The following RAB43 variants were observed in gnomAD, a reference collection of about 807,000 sequenced individuals.
RAB43 encodes RAB43, member RAS oncogene family.
RAB43 carries 6 observed loss-of-function variants against 18.8 expected under a neutral mutation model. The ratio of observed to expected loss-of-function variants is 0.32; its 90% CI spans 0.17 to 0.63. The LOEUF (loss-of-function observed/expected upper bound fraction) is 0.63, where lower values mean the gene tolerates loss of function less well. Among genes scored for constraint, RAB43 ranks in the 30% least tolerant of loss-of-function variants. The pLI is 0.79. For synonymous variants in RAB43, 103 were observed against 124.1 expected (o/e 0.83, Z 1.13); for missense variants, 195 against 289.1 (o/e 0.67, Z 2.36).
At position 129,119,019 on chromosome 3, in the gene RAB43, T is replaced by G. The variant is rs1051320342; in HGVS notation, c.204+2267A>C. Among the ~76,000 whole-genome samples, 7 of 152,214 alleles carry G rather than the reference T, an allele frequency of 4.6e-5. No individual in the cohort carries two copies. The East Asian group carries it at 1.4e-3, about 29-fold the overall frequency. Reference sequence around the variant, plus strand: ...CAGAAGAACAAAAGAACTTTCTGGGTTGGTGGAAAAATTCTCCATCTTGAT... The same window carrying G: ...CAGAAGAACAAAAGAACTTTCTGGGGTGGTGGAAAAATTCTCCATCTTGAT... On this transcript the variant is annotated intron_variant, in intron 1 of 2. Coordinates refer to ENST00000315150, the MANE Select transcript of RAB43 (RefSeq NM_198490.3).
At chr3:129,093,922 G>A (rs1933844553) in intron 2 of RAB43, among the ~76,000 whole-genome samples, 1 of 152,214 alleles carries the variant, frequency 6.6e-6, no homozygotes, top group African/African-American at 2.4e-5. Context: ...CTGGGTGACT[G>A]AGTAAGACTC....
intron 1 of RAB43, among the ~76,000 whole-genome samples, chr3:129,098,651 A>G (rs1934208645): frequency 6.6e-6 from 1 of 152,270 alleles, no homozygotes; most frequent in Non-Finnish European, 1.5e-5. Flanking sequence ...TCAGAAAATT[A>G]CAAGGAAAGT....
chr3:129,116,837 C>A (rs139938610), intron 1 of RAB43, among the ~76,000 whole-genome samples: 1 of 151,982 alleles, frequency 6.6e-6, no homozygotes, highest in African/African-American at 2.4e-5. Context: ...TCTGCAAAAA[C>A]GAGTTTACAT....
chr3:129,104,819 T>C (rs544002177), intron 1 of RAB43, among the ~76,000 whole-genome samples: 11 of 152,334 alleles, frequency 7.2e-5, no homozygotes, highest in African/African-American at 2.6e-4. Context: ...CCGTTATCTT[T>C]TCTGGGATAA....
At chr3:129,102,933 T>C (rs1279266363) in intron 1 of RAB43, among the ~76,000 whole-genome samples, 5 of 152,148 alleles carry the variant, frequency 3.3e-5, no homozygotes, top group Non-Finnish European at 7.3e-5. Flanking sequence ...CCAGAAACCA[T>C]CTTACCATCT....
chr3:129,110,112 G>A (rs868482746), intron 1 of RAB43, among the ~76,000 whole-genome samples: 1 of 152,022 alleles, frequency 6.6e-6, no homozygotes, highest in African/African-American at 2.4e-5. Flanking sequence ...CAATCCGCCC[G>A]CTTCTGCCTC....
At chr3:129,110,153 CTTCT>C (rs1935064776) in intron 1 of RAB43, among the ~76,000 whole-genome samples, 2 of 151,998 alleles carry the variant, frequency 1.3e-5, no homozygotes. Context: ...TGGTTCTTGT[CTTCT>C]TTAGGTGAAA....
chr3:129,115,794 C>G (rs1935486633), intron 1 of RAB43, among the ~76,000 whole-genome samples: 1 of 152,180 alleles, frequency 6.6e-6, no homozygotes, highest in African/African-American at 2.4e-5. Context: ...CCACTCCCTC[C>G]TGGACGACAG....
intron 1 of RAB43, among the ~76,000 whole-genome samples, chr3:129,113,976 G>A (rs980976839): frequency 2.0e-5 from 3 of 152,180 alleles, no homozygotes; most frequent in African/African-American, 7.2e-5. Context: ...GCAGTGAGCC[G>A]GGATCACGCC....
chr3:129,106,158 A>G (rs891776998), intron 1 of RAB43, among the ~76,000 whole-genome samples: 17 of 152,174 alleles, frequency 1.1e-4, no homozygotes, highest in South Asian at 2.1e-4. Context: ...CGGCTCTGGG[A>G]CCTGTGTCCA....
rs370446595 is a variant in RAB43, at chr3:129,096,040, A to G, written c.205-871T>C. On this transcript the variant is annotated intron_variant, in intron 1 of 2. Transcript: ENST00000315150. ...GGATCGGGTGTGCCTTCTCTGCCCCACCAATCACAGGTTCTCATGGCTCTC... is the reference window on the plus strand; with the variant it reads ...GGATCGGGTGTGCCTTCTCTGCCCCGCCAATCACAGGTTCTCATGGCTCTC... 3.3e-5 allele frequency among the ~76,000 whole-genome samples: 5 copies of G among 152,150 alleles called. No homozygotes were observed. In the East Asian group the frequency reaches 5.8e-4, roughly 18 times the overall value.
At chr3:129,116,137 A>G (rs1036025474) in intron 1 of RAB43, among the ~76,000 whole-genome samples, 2 of 152,232 alleles carry the variant, frequency 1.3e-5, no homozygotes, top group Non-Finnish European at 2.9e-5. Flanking sequence ...ATGGGCATGT[A>G]TGTATAAGAC....
Position 129,094,967 on chromosome 3 carries a change from C to A in RAB43, c.388+19G>T. On this transcript the variant is annotated intron_variant, in intron 2 of 2. Coordinates refer to ENST00000315150, the MANE Select transcript of RAB43 (RefSeq NM_198490.3). ...GGCAGAGTGATGGGATTTGTGGTCC[C>A]GAGGAATCCCCAACTCACCGATCAG... 6.2e-7 allele frequency: 1 copy of A among 1,604,332 alleles called. No individual in the cohort carries two copies. The highest frequency in any genetic ancestry group is 8.5e-7 in the Non-Finnish European group (1 of 1,174,284).
rs760361976 is a variant in RAB43 at position 129,091,104 on chromosome 3, C to T, written c.631G>A (p.Gly211Arg). Residue 211 changes from glycine to arginine, a missense_variant, in exon 3 of 3, where the codon GGG becomes AGG. Transcript: ENST00000315150. ...SKDIGEGWGC[G>R]C Reference sequence around the variant, plus strand: ...GCCGGCCCGGCCCCTGGTCAGCACCCGCAGCCCCAGCCTTCTCCGATGTCC... The same window carrying T: ...GCCGGCCCGGCCCCTGGTCAGCACCTGCAGCCCCAGCCTTCTCCGATGTCC... 5 of 1,606,296 alleles carry T rather than the reference C, an allele frequency of 3.1e-6. No homozygotes were observed. Among genetic ancestry groups the T allele is most frequent in the Non-Finnish European group, 4.2e-6 (5 of 1,177,944 alleles).
At chr3:129,101,414 G>C (rs1056984137) in intron 1 of RAB43, among the ~76,000 whole-genome samples, 1 of 152,126 alleles carries the variant, frequency 6.6e-6, no homozygotes, top group East Asian at 1.9e-4. Context: ...AGCAGGGAAC[G>C]GAGCAAAACC....
At chr3:129,099,797 T>G (rs1403541122) in intron 1 of RAB43, among the ~76,000 whole-genome samples, 1 of 150,342 alleles carries the variant, frequency 6.7e-6, no homozygotes, top group Non-Finnish European at 1.5e-5. Flanking sequence ...AAAAAATCAG[T>G]GAACCTGAAG....
At chr3:129,109,396 C>T (rs1409639768) in intron 1 of RAB43, among the ~76,000 whole-genome samples, 3 of 133,162 alleles carry the variant, frequency 2.3e-5, no homozygotes, top group African/African-American at 2.9e-5. Context: ...GGCGACAGAG[C>T]GAGACTCCGT....
chr3:129,100,376 G>C (rs983097552), intron 1 of RAB43, among the ~76,000 whole-genome samples: 1 of 152,210 alleles, frequency 6.6e-6, no homozygotes, highest in East Asian at 1.9e-4. Flanking sequence ...AGAAATGCCA[G>C]ATGGTACCAC....
intron 2 of RAB43, among the ~76,000 whole-genome samples, chr3:129,093,134 G>T (rs1043648531): frequency 1.3e-5 from 2 of 151,868 alleles, no homozygotes; most frequent in African/African-American, 4.8e-5. Context: ...GGGATTACAG[G>T]TGTGTGCCAC....
Sources: gnomAD v4.1 joint callset for allele counts (sites outside exome capture counted in the v4.1 genomes callset) on GRCh38, gnomAD v4.1.1 for gene constraint, MANE v1.5 for transcripts, NCBI Gene and HGNC (gene_info 2026-07-23, HGNC 2026-07-21) for gene names.